The following DCC variants were observed in gnomAD, a reference collection of about 807,000 sequenced individuals.
DCC encodes the protein netrin receptor DCC.
In DCC, 58 loss-of-function variants were observed where a neutral mutation model predicts 172.5. The observed-to-expected ratio is 0.34, with a 90% CI of 0.27 to 0.42. DCC has a LOEUF of 0.42. Ranked by LOEUF, DCC falls within the 10% of genes least tolerant of loss-of-function variation. The probability of loss-of-function intolerance (pLI) is 1.00; values close to 1 mark genes in which losing one functional copy is unlikely to be tolerated. For synonymous variants in DCC, 709 were observed against 644.5 expected, an observed-to-expected ratio of 1.10 and a Z score of -1.52; for missense variants, 1,740 against 1,791.0, an observed-to-expected ratio of 0.97 and a Z score of 0.51.
intron 1 of DCC, among the ~76,000 whole-genome samples, chr18:52,617,825 G>GCTTA (rs1211066637): frequency 1.3e-5 from 2 of 151,990 alleles, no homozygotes; most frequent in African/African-American, 2.4e-5. Flanking sequence ...AGCTTATTTT[G>GCTTA]CTTACTATTT....
rs149279820 is a variant in DCC, at chr18:52,761,010, A to G, written c.412+8636A>G. On this transcript the variant is annotated intron_variant, in intron 2 of 28. Transcript: ENST00000442544. ...TTTATAATCTATATCTGCATACTCT[A>G]TAATAAGCAGTCTAATACATTGGTC... Among the ~76,000 whole-genome samples, 321 of 152,348 alleles carry G rather than the reference A, an allele frequency of 2.1e-3. 2 individuals carry two copies. The highest frequency in any genetic ancestry group is 3.8e-3 in the Non-Finnish European group (258 of 68,042).
At chr18:53,445,196 A>C (rs1160372942) in intron 22 of DCC, among the ~76,000 whole-genome samples, 2 of 152,160 alleles carry the variant, frequency 1.3e-5, no homozygotes, top group Non-Finnish European at 2.9e-5. Flanking sequence ...ATCTTATTTC[A>C]GGGGGAAATA....
At chr18:53,166,523 A>G (rs2054924723) in intron 8 of DCC, among the ~76,000 whole-genome samples, 1 of 152,190 alleles carries the variant, frequency 6.6e-6, no homozygotes, top group Non-Finnish European at 1.5e-5. Context: ...ATAGACGCTG[A>G]AACTAAACAA....
chr18:53,258,721 A>G (rs538203576), intron 12 of DCC, among the ~76,000 whole-genome samples: 10 of 152,302 alleles, frequency 6.6e-5, no homozygotes, highest in Non-Finnish European at 8.8e-5. Flanking sequence ...GTAGATGTCT[A>G]TTAGGTCCAC....
At chr18:52,590,951 A>G (rs2033786623) in intron 1 of DCC, among the ~76,000 whole-genome samples, 1 of 152,238 alleles carries the variant, frequency 6.6e-6, no homozygotes, top group South Asian at 2.1e-4. Context: ...ATGTCTTCAC[A>G]TACATTTTTC....
At chr18:52,349,905 G>T (rs1431805320) in intron 1 of DCC, among the ~76,000 whole-genome samples, 1 of 151,982 alleles carries the variant, frequency 6.6e-6, no homozygotes, top group Non-Finnish European at 1.5e-5. Flanking sequence ...TAATCAAGGG[G>T]CCTAACTCTG....
At chr18:52,342,695 G>A (rs1217986529) in intron 1 of DCC, among the ~76,000 whole-genome samples, 1 of 152,190 alleles carries the variant, frequency 6.6e-6, no homozygotes, top group Admixed American at 6.5e-5. Context: ...GACCTGAAAT[G>A]TGCTAGCTGA....
chr18:53,530,501 G>C lies in DCC; in HGVS notation c.4255-63G>C. 4 of 935,646 alleles carry C rather than the reference G, an allele frequency of 4.3e-6. No individual in the cohort carries two copies. In the East Asian group the frequency reaches 9.6e-5, roughly 22 times the overall value. The allele number at this position is 935,646 out of a possible 1,614,324, so 58.0% of individuals were successfully genotyped here. A position where few individuals can be genotyped will look rare whatever the true frequency, so the allele number is the denominator to read the frequency against. Reference sequence around the variant, plus strand: ...TAGCACCCCAACTAGCTGTGGCCCCGGCCTTCATAAAAGAAATGGATCAAT... The same window carrying C: ...TAGCACCCCAACTAGCTGTGGCCCCCGCCTTCATAAAAGAAATGGATCAAT... On this transcript the variant is annotated intron_variant, in intron 28 of 28. Coordinates refer to ENST00000442544, the MANE Select transcript of DCC (RefSeq NM_005215.4).
intron 13 of DCC, 24 bp from the exon 14 acceptor site, chr18:53,322,023 C>A (rs1178692841): frequency 2.3e-6 from 3 of 1,324,244 alleles, no homozygotes; most frequent in African/African-American, 1.4e-5. Flanking sequence ...ACTTTCTTCC[C>A]CCCTGTGGAA....
intron 3 of DCC, among the ~76,000 whole-genome samples, chr18:52,920,091 A>C (rs2040098914): frequency 6.6e-6 from 1 of 152,026 alleles, no homozygotes; most frequent in South Asian, 2.1e-4. Flanking sequence ...GTAAACCTAA[A>C]TTCAAACACA....
chr18:53,117,881 C>T (rs533740535), intron 7 of DCC, among the ~76,000 whole-genome samples: 1 of 151,704 alleles, frequency 6.6e-6, no homozygotes, highest in African/African-American at 2.4e-5. Context: ...ACGTCATGAA[C>T]TGTTCTTCTT....
At position 52,752,311 on chromosome 18, in the gene DCC, T is replaced by C. The variant is rs1418288663; in HGVS notation, c.349T>C (p.Cys117Arg). 1.2e-6 allele frequency: 2 copies of C among 1,614,066 alleles called. No homozygotes were observed. Among genetic ancestry groups the C allele is most frequent in the Admixed American group, 1.7e-5 (1 of 60,002 alleles). The stretch of plus-strand genomic sequence containing the variant: ...CAAGCCAGATGAGGGACTTTACCAA[T>C]GTGAGGCATCTTTAGGAGATTCTGG... ...HHKPDEGLYQ[C>R]EASLGDSGSI... Residue 117 changes from cysteine to arginine, a missense_variant, in exon 2 of 29, where the codon TGT becomes CGT. Transcript: ENST00000442544.
At chr18:52,406,886 C>T (rs1483304005) in intron 1 of DCC, among the ~76,000 whole-genome samples, 3 of 151,920 alleles carry the variant, frequency 2.0e-5, no homozygotes, top group Non-Finnish European at 2.9e-5. Context: ...TTTTAATAAA[C>T]CCATGTGTGA....
At chr18:52,689,440 A>C (rs546915192) in intron 1 of DCC, among the ~76,000 whole-genome samples, 1 of 152,268 alleles carries the variant, frequency 6.6e-6, no homozygotes. Context: ...GTTGGGAAGT[A>C]ATGAATGAGG....
At chr18:53,383,561 T>C (rs1405176997) in intron 15 of DCC, among the ~76,000 whole-genome samples, 1 of 149,352 alleles carries the variant, frequency 6.7e-6, no homozygotes, top group African/African-American at 2.5e-5. Flanking sequence ...TTGGCATGTT[T>C]TCTACTTTAA....
intron 2 of DCC, among the ~76,000 whole-genome samples, chr18:52,847,253 C>G (rs997689263): frequency 6.6e-6 from 1 of 152,100 alleles, no homozygotes; most frequent in African/African-American, 2.4e-5. Flanking sequence ...TTTACATACC[C>G]AGAAGTTAAG....
At chr18:53,511,083 A>G (rs1192994075) in intron 27 of DCC, among the ~76,000 whole-genome samples, 2 of 152,382 alleles carry the variant, frequency 1.3e-5, no homozygotes, top group African/African-American at 2.4e-5. Flanking sequence ...GGTATGCTTT[A>G]AAAGTTCTAT....
intron 12 of DCC, among the ~76,000 whole-genome samples, chr18:53,226,567 A>G (rs543194816): frequency 6.6e-6 from 1 of 152,080 alleles, no homozygotes; most frequent in Non-Finnish European, 1.5e-5. Flanking sequence ...GTATTTTTGA[A>G]TGTAATTCTG....
At chr18:53,158,715 G>C (rs1393727211) in intron 8 of DCC, among the ~76,000 whole-genome samples, 1 of 151,976 alleles carries the variant, frequency 6.6e-6, no homozygotes, top group African/African-American at 2.4e-5. Flanking sequence ...AAGAGGCTGG[G>C]CAAGGTGACT....
Sources: gnomAD v4.1 joint callset for allele counts (sites outside exome capture counted in the v4.1 genomes callset) on GRCh38, gnomAD v4.1.1 for gene constraint, MANE v1.5 for transcripts, NCBI Gene and HGNC (gene_info 2026-07-23, HGNC 2026-07-21) for gene names.